The following PELP1 variants were observed in gnomAD, a reference collection of about 807,000 sequenced individuals.
PELP1 encodes proline-, glutamic acid- and leucine-rich protein 1.
Under a neutral mutation model 95.5 loss-of-function variants are expected in PELP1, and 32 were observed. The ratio of observed to expected loss-of-function variants is 0.34; its 90% CI spans 0.25 to 0.45. The LOEUF is 0.45. Ranked by LOEUF, PELP1 falls within the 20% of genes least tolerant of loss-of-function variation. PELP1 has a pLI of 1.00. For missense variants in PELP1, 1,358 were observed against 1,444.8 expected (o/e 0.94, Z 0.97); for synonymous variants, 668 against 600.1 (o/e 1.11, Z -1.65).
intron 1 of PELP1, among the ~76,000 whole-genome samples, chr17:4,694,696 G>A (rs1252517156): frequency 2.0e-5 from 3 of 151,550 alleles, no homozygotes; most frequent in Non-Finnish European, 4.4e-5. Context: ...AAATGGGCCG[G>A]GCGCGGTGGC....
At chr17:4,699,729 G>A (rs1438429997) in intron 1 of PELP1, among the ~76,000 whole-genome samples, 1 of 151,952 alleles carries the variant, frequency 6.6e-6, no homozygotes, top group Non-Finnish European at 1.5e-5. Context: ...TGGGATTACA[G>A]GCATGCGTCA....
intron 3 of PELP1, among the ~76,000 whole-genome samples, chr17:4,686,879 G>A (rs73973361): frequency 0.011 from 1,676 of 152,116 alleles, 34 homozygotes; most frequent in African/African-American, 0.037. Flanking sequence ...CCTTCCATGA[G>A]TTGCCACTAC....
At chr17:4,681,644 A>G (rs745306346) in intron 5 of PELP1, among the ~76,000 whole-genome samples, 1 of 151,988 alleles carries the variant, frequency 6.6e-6, no homozygotes, top group Non-Finnish European at 1.5e-5. Flanking sequence ...TACTAAAAAT[A>G]CAAAAATTAG....
chr17:4,702,814 G>C (rs760183098), intron 1 of PELP1, among the ~76,000 whole-genome samples: 6 of 152,160 alleles, frequency 3.9e-5, no homozygotes, highest in Non-Finnish European at 7.4e-5. Context: ...GGTTTAGTGG[G>C]AGAGAAGGGA....
chr17:4,671,422 T>G lies in PELP1; in HGVS notation c.*17A>C. 1 of 1,240,336 alleles carries G rather than the reference T, an allele frequency of 8.1e-7. No individual in the cohort carries two copies. The highest frequency in any genetic ancestry group is 1.2e-6 in the Non-Finnish European group (1 of 839,302). 76.8% of individuals were successfully genotyped at this position (1,240,336 alleles called of 1,614,324 possible). On this transcript the variant is annotated 3_prime_UTR_variant, in exon 17 of 17. Transcript: ENST00000572293. ...ACATAACTTTATTGGAAACAAAGAG[T>G]GGGGTGCAGAAGATGGCTAGGAGTC...
chr17:4,700,580 T>C (rs1348413632), intron 1 of PELP1, among the ~76,000 whole-genome samples: 3 of 152,044 alleles, frequency 2.0e-5, no homozygotes, highest in Admixed American at 6.6e-5. Context: ...GACACTGTTT[T>C]TGTCCTTCAA....
At chr17:4,682,766 G>A (rs765168344) in intron 4 of PELP1, 37 bp downstream of exon 4, 18 of 1,533,964 alleles carry the variant, frequency 1.2e-5, no homozygotes, top group African/African-American at 5.5e-5. Flanking sequence ...TGAGGACTGC[G>A]GGGGGCCATG....
At position 4,676,801 on chromosome 17, in the gene PELP1, G is replaced by C; in HGVS notation, c.654C>G (p.Ala218=). Residue 218 remains alanine (A), a synonymous_variant, in exon 6 of 17, where the codon GCC becomes GCG. Transcript: ENST00000572293. ...CATCCACCCTAGACAGAAAAAATGA[G>C]GCCAGCTTGCCCTGGATGTGGAGGA... The part of the protein sequence containing the change: ...RACGSLKGKL[A]SFFLSRVDAL... 2 of 1,566,024 alleles carry C rather than the reference G, an allele frequency of 1.3e-6. No homozygotes were observed. The highest frequency in any genetic ancestry group is 1.7e-6 in the Non-Finnish European group (2 of 1,154,870).
In PELP1 at chr17:4,675,448, A is replaced by G. The variant is rs750396581; in HGVS notation, c.1069-86T>C. The stretch of plus-strand genomic sequence containing the variant: ...AGAAACAGGGAATGACCATTTACAT[A>G]TGTACACATAGGTAAGAAACCCAAC... On this transcript the variant is annotated intron_variant, in intron 9 of 16. Coordinates refer to ENST00000572293, the MANE Select transcript of PELP1 (RefSeq NM_014389.3). This position sits in a 1 kb window ranked among gnomAD's most constrained non-coding sequence, Gnocchi z 4.3. 2 of 877,398 alleles carry G rather than the reference A, an allele frequency of 2.3e-6. No homozygotes were observed. Among genetic ancestry groups the G allele is most frequent in the South Asian group, 2.9e-5 (2 of 70,120 alleles). 54.4% of individuals were successfully genotyped at this position (877,398 alleles called of 1,614,324 possible).
chr17:4,678,366 T>C (rs889179001), intron 5 of PELP1, among the ~76,000 whole-genome samples: 1 of 151,934 alleles, frequency 6.6e-6, no homozygotes, highest in East Asian at 1.9e-4. Context: ...TCCTAGCTAC[T>C]TGGGAGACTG....
At chr17:4,692,756 T>A (rs1172468682) in intron 1 of PELP1, among the ~76,000 whole-genome samples, 1 of 152,038 alleles carries the variant, frequency 6.6e-6, no homozygotes, top group Non-Finnish European at 1.5e-5. Context: ...ACGCCTGTAA[T>A]CCCAGCACTT....
Position 4,690,935 on chromosome 17 carries a change from G to C in PELP1, c.373C>G (p.Gln125Glu), listed in dbSNP as rs201102274. 50 of 1,613,768 alleles carry C rather than the reference G, an allele frequency of 3.1e-5. No homozygotes were observed. The highest frequency in any genetic ancestry group is 4.1e-5 in the Non-Finnish European group (48 of 1,179,784). ...LVGESPTELF[Q>E]QHCVSWLRSI... is the part of the protein sequence containing the mutation. ...CGAAGCCAAGACACACAGTGCTGCT[G>C]GAATAGCTCTGTGGGGCTCTCCCCT... The change falls in exon 3 of 17, where the codon CAG becomes GAG. Residue 125 changes from glutamine to glutamate, a missense_variant. Transcript: ENST00000572293.
Position 4,671,700 on chromosome 17 carries a change from G to A in PELP1, c.3291C>T (p.Leu1097=), listed in dbSNP as rs535963672. The part of the protein sequence containing the change: ...EMETETEAEA[L]QEKEQDDTAA... The stretch of plus-strand genomic sequence containing the variant: ...CTGCCTGGCCTCTCACCTTTTCCTG[G>A]AGAGCTTCGGCCTCTGTCTCTGTCT... Residue 1097 remains leucine, a synonymous_variant, in exon 16 of 17, where the codon CTC becomes CTT. Transcript: ENST00000572293. 1 of 1,567,364 alleles carries A rather than the reference G, an allele frequency of 6.4e-7. No homozygotes were observed. Among genetic ancestry groups the A allele is most frequent in the East Asian group, 2.2e-5 (1 of 44,544 alleles).
chr17:4,681,878 AG>A (rs1912705311), intron 5 of PELP1, among the ~76,000 whole-genome samples: 1 of 152,064 alleles, frequency 6.6e-6, no homozygotes, highest in Non-Finnish European at 1.5e-5. Flanking sequence ...AAAGTAAGAT[AG>A]GGGGCCAGGC....
chr17:4,681,922 G>A (rs1003944380), intron 5 of PELP1, among the ~76,000 whole-genome samples: 19 of 152,294 alleles, frequency 1.2e-4, no homozygotes, highest in African/African-American at 4.3e-4. Flanking sequence ...CCAGCACTTT[G>A]AGAAGCTGAG....
chr17:4,690,797 T>A (rs1457985819), intron 3 of PELP1, 91 bp downstream of exon 3: 1 of 803,506 alleles, frequency 1.2e-6, no homozygotes, highest in Non-Finnish European at 2.2e-6. Flanking sequence ...TCCCCAGAAC[T>A]ACATGTCCAA....
In PELP1 at chr17:4,676,473, A is replaced by G. The variant is rs1007953710; in HGVS notation, c.737T>C (p.Leu246Ser). The G allele has an allele frequency of 3.7e-6, 6 of 1,613,506 alleles. No individual in the cohort carries two copies. Among genetic ancestry groups the G allele is most frequent in the Admixed American group, 1.7e-5 (1 of 59,970 alleles). Residue 246 changes from leucine (L) to serine (S), a missense_variant, in exon 7 of 17, where the codon TTA becomes TCA. By Grantham distance (145) the Leu-to-Ser change is moderately radical. Coordinates refer to ENST00000572293, the MANE Select transcript of PELP1 (RefSeq NM_014389.3). ...ACECYSRLPSLGAGFSQGLKH... is the reference protein window; with the variant it reads ...ACECYSRLPSSGAGFSQGLKH... Reference sequence around the variant, plus strand: ...CAGGCCTTGGGAAAAGCCAGCCCCTAAAGAGGGCAGCCGGGAATAACACTC... The same window carrying G: ...CAGGCCTTGGGAAAAGCCAGCCCCTGAAGAGGGCAGCCGGGAATAACACTC...
rs1277623766 is a variant in PELP1, at chr17:4,673,679, GGAA to G, written c.1583-8_1583-6del. 12 of 1,613,694 alleles carry G rather than the reference GGAA, an allele frequency of 7.4e-6. No individual in the cohort carries two copies. Among genetic ancestry groups the G allele is most frequent in the Non-Finnish European group, 1.0e-5 (12 of 1,179,632 alleles). ...TGAGGATGGTCCGGCTGAGGCCTGGGGAAGAAGAATGGTGTGTAAAGGGTAGGC... is the reference window on the plus strand; with the variant it reads ...TGAGGATGGTCCGGCTGAGGCCTGGGGAAGAATGGTGTGTAAAGGGTAGGC... On this transcript the variant is annotated splice_region_variant and splice_polypyrimidine_tract_variant and intron_variant, in intron 13 of 16. Coordinates refer to ENST00000572293, the MANE Select transcript of PELP1 (RefSeq NM_014389.3). This position sits in a 1 kb window ranked among gnomAD's most constrained non-coding sequence, Gnocchi z 5.7.
rs1165172812 is a variant in PELP1, at chr17:4,672,260, CAA to C, written c.2729_2730del (p.Phe910Ter). The C allele has an allele frequency of 7.1e-6, 11 of 1,552,638 alleles. No homozygotes were observed. Among genetic ancestry groups the C allele is most frequent in the African/African-American group, 6.8e-5 (5 of 73,096 alleles). ...TCCTCTTCATCCTCTTCCTCTTCCTCAAAGTCTTCCTCCTCTTCCTCTTCTTC... is the reference window on the plus strand; with the variant it reads ...TCCTCTTCATCCTCTTCCTCTTCCTCAGTCTTCCTCCTCTTCCTCTTCTTC... ...EEEEEEEEED[F>X]EEEEEDEEEY... On this transcript the variant is annotated frameshift_variant, in exon 16 of 17. Transcript: ENST00000572293. LOFTEE classifies it high-confidence loss of function.
Sources: allele counts gnomAD v4.1 joint callset (sites outside exome capture counted in the v4.1 genomes callset), GRCh38; gene constraint gnomAD v4.1.1; non-coding constraint Gnocchi (gnomAD v3.1); transcripts MANE v1.5; gene names NCBI Gene and HGNC (gene_info 2026-07-23, HGNC 2026-07-21).